LATS1: variants seen among roughly 807,000 people sequenced by gnomAD.
LATS1 encodes the protein large tumor suppressor kinase 1, also known as serine/threonine-protein kinase LATS1.
A neutral mutation model predicts 106.6 loss-of-function variants in LATS1; 25 were observed. The observed-to-expected ratio is 0.23, with a 90% CI of 0.17 to 0.33. The LOEUF is 0.33. Ranked by LOEUF, LATS1 falls within the 10% of genes least tolerant of loss-of-function variation. LATS1 has a pLI of 1.00. For synonymous variants in LATS1, 465 were observed against 455.6 expected (o/e 1.02, Z -0.26); for missense variants, 1,040 against 1,382.6 (o/e 0.75, Z 3.93).
intron 7 of LATS1, among the ~76,000 whole-genome samples, chr6:149,666,041 C>G (rs1781124890): frequency 6.8e-6 from 1 of 147,464 alleles, no homozygotes; most frequent in Admixed American, 7.0e-5. Context: ...ACCTGGGAGG[C>G]TGAGGCAGGA....
intron 3 of LATS1, among the ~76,000 whole-genome samples, chr6:149,685,870 A>T (rs1582881755): frequency 2.0e-5 from 3 of 152,324 alleles, no homozygotes; most frequent in East Asian, 3.9e-4. Context: ...CACTTAGGAA[A>T]AATATACAAG....
Position 149,684,207 on chromosome 6 carries a change from C to G in LATS1, c.882G>C (p.Gly294=). 1 of 1,614,050 alleles carries G rather than the reference C, an allele frequency of 6.2e-7. No homozygotes were observed. Among genetic ancestry groups the G allele is most frequent in the Non-Finnish European group, 8.5e-7 (1 of 1,180,016 alleles). ...GTGGAGGATAGCCCTCTTGCCATGCCCCAGGTGGGACAGGAGAGATTCGGG... is the reference window on the plus strand; with the variant it reads ...GTGGAGGATAGCCCTCTTGCCATGCGCCAGGTGGGACAGGAGAGATTCGGG... ...VISRISPVPP[G]AWQEGYPPPP... is the part of the protein sequence containing the mutation. The change falls in exon 4 of 8, where the codon GGG becomes GGC. Residue 294 remains glycine (G), a synonymous_variant. Transcript: ENST00000543571.
intron 1 of LATS1, among the ~76,000 whole-genome samples, chr6:149,710,228 C>T (rs1317967925): frequency 6.6e-6 from 1 of 152,146 alleles, no homozygotes; most frequent in Non-Finnish European, 1.5e-5. Context: ...TTCTCAGGAG[C>T]TCCTGAGGGC....
intron 2 of LATS1, among the ~76,000 whole-genome samples, chr6:149,697,805 A>G (rs990300989): frequency 6.6e-6 from 1 of 152,066 alleles, no homozygotes; most frequent in African/African-American, 2.4e-5. Flanking sequence ...GCGTGATCTC[A>G]GCTCACGACA....
Position 149,661,901 on chromosome 6 carries a change from G to T in LATS1, c.3221C>A (p.Ala1074Glu). Residue 1074 changes from alanine (A) to glutamate (E), a missense_variant, in exon 8 of 8, where the codon GCA becomes GAA. Physicochemically the swap from Ala to Glu is moderately radical, Grantham distance 107 (BLOSUM62 -1). Transcript: ENST00000543571. ...CCTTCGGAAGGTAAATTCATAGAAT[G>T]CATGTTCAGGATGCTTTCCATTTTT... ...WYKNGKHPEH[A>E]FYEFTFRRFF... The T allele has an allele frequency of 6.2e-7, 1 of 1,613,938 alleles. No individual in the cohort carries two copies. The highest frequency in any genetic ancestry group is 8.5e-7 in the Non-Finnish European group (1 of 1,179,924).
At chr6:149,699,571 G>C (rs1423740485) in intron 2 of LATS1, among the ~76,000 whole-genome samples, 1 of 151,966 alleles carries the variant, frequency 6.6e-6, no homozygotes, top group South Asian at 2.1e-4. Flanking sequence ...AAGCAATCTT[G>C]TGACAATTTG....
At chr6:149,666,272 A>C (rs546423371) in intron 7 of LATS1, among the ~76,000 whole-genome samples, 1 of 152,306 alleles carries the variant, frequency 6.6e-6, no homozygotes, top group African/African-American at 2.4e-5. Context: ...ACATAGAAAA[A>C]GTCAGTATTG....
At position 149,684,301 on chromosome 6, in the gene LATS1, G is replaced by A. The variant is rs778494156; in HGVS notation, c.788C>T (p.Pro263Leu). 7 of 1,613,958 alleles carry A rather than the reference G, an allele frequency of 4.3e-6. 1 individual carries two copies. In the African/African-American group the frequency reaches 8.0e-5, roughly 18 times the overall value. Residue 263 changes from proline (P) to leucine (L), a missense_variant, in exon 4 of 8, where the codon CCA (proline) becomes CTA (leucine). Coordinates refer to ENST00000543571, the MANE Select transcript of LATS1 (RefSeq NM_004690.4). ...GTTTGGTTCCCATGAAGGGGGAGGT[G>A]GAGTTGTACCTCTTGGAGGGGGAGT... ...GQTPPPRGTT[P>L]PPPSWEPNSQ...
chr6:149,709,395 A>G (rs909146998), intron 1 of LATS1, among the ~76,000 whole-genome samples: 3 of 152,232 alleles, frequency 2.0e-5, no homozygotes, highest in Non-Finnish European at 2.9e-5. Flanking sequence ...TTTCTTTGCC[A>G]TATCTTCAAA....
At chr6:149,707,510 G>A (rs992870424) in intron 1 of LATS1, among the ~76,000 whole-genome samples, 1 of 152,064 alleles carries the variant, frequency 6.6e-6, no homozygotes, top group Non-Finnish European at 1.5e-5. Context: ...CATTTCATGA[G>A]ATTTACATTC....
At chr6:149,691,086 A>G (rs1782722242) in intron 3 of LATS1, among the ~76,000 whole-genome samples, 1 of 152,096 alleles carries the variant, frequency 6.6e-6, no homozygotes, top group Non-Finnish European at 1.5e-5. Flanking sequence ...AAGTTACCTC[A>G]TTTGCTGAAC....
At chr6:149,676,841 C>T in intron 5 of LATS1, 104 bp from the exon 6 acceptor site, 1 of 1,007,536 alleles carries the variant, frequency 9.9e-7, no homozygotes. Context: ...AACATTCTCC[C>T]TTGTGACAAA....
chr6:149,699,288 T>A (rs986602774), intron 2 of LATS1, among the ~76,000 whole-genome samples: 32 of 152,158 alleles, frequency 2.1e-4, no homozygotes, highest in African/African-American at 7.2e-4. Context: ...TTGGTATAAA[T>A]AATACCATAC....
At chr6:149,713,455 C>T (rs567849721) in intron 1 of LATS1, among the ~76,000 whole-genome samples, 120 of 148,290 alleles carry the variant, frequency 8.1e-4, no homozygotes, top group African/African-American at 2.8e-3. Flanking sequence ...CCACCACACC[C>T]GGCTAATTTT....
intron 7 of LATS1, among the ~76,000 whole-genome samples, chr6:149,671,964 C>A (rs528069174): frequency 6.6e-6 from 1 of 151,918 alleles, no homozygotes; most frequent in South Asian, 2.1e-4. Flanking sequence ...TACGGGCTCA[C>A]TGCAACCTCC....
intron 3 of LATS1, among the ~76,000 whole-genome samples, chr6:149,692,743 C>T (rs1782836637): frequency 6.6e-6 from 1 of 150,854 alleles, no homozygotes; most frequent in Non-Finnish European, 1.5e-5. Flanking sequence ...GGTGCGATCT[C>T]AGCTTACCGA....
At chr6:149,672,757 C>T (rs1781507672) in intron 7 of LATS1, among the ~76,000 whole-genome samples, 1 of 151,946 alleles carries the variant, frequency 6.6e-6, no homozygotes, top group African/African-American at 2.4e-5. Context: ...ACCAGCCTGA[C>T]CAACATGGTA....
chr6:149,695,068 A>T lies in LATS1; in HGVS notation c.496+6T>A, dbSNP rs752867224. 4 of 1,575,792 alleles carry T rather than the reference A, an allele frequency of 2.5e-6. No homozygotes were observed. The highest frequency in any genetic ancestry group is 3.4e-6 in the Non-Finnish European group (4 of 1,165,964). ...AGATGAGAAAATAAAATATTTGATT[A>T]ATCACCTGGTTTCATGCTGGCATTA... On this transcript the variant is annotated splice_donor_region_variant and intron_variant, in intron 3 of 7. Coordinates refer to ENST00000543571, the MANE Select transcript of LATS1 (RefSeq NM_004690.4).
Position 149,682,036 on chromosome 6 carries a change from C to T in LATS1, c.2010+1043G>A, listed in dbSNP as rs564611459. On this transcript the variant is annotated intron_variant, in intron 4 of 7. Coordinates refer to ENST00000543571, the MANE Select transcript of LATS1 (RefSeq NM_004690.4). ...CTGAGGCAGGAGAACTGCTTGAACCCGGGAGGCGGAGGTTGCAGTGAGCTG... is the reference window on the plus strand; with the variant it reads ...CTGAGGCAGGAGAACTGCTTGAACCTGGGAGGCGGAGGTTGCAGTGAGCTG... 6.6e-5 allele frequency among the ~76,000 whole-genome samples: 10 copies of T among 151,506 alleles called. No individual in the cohort carries two copies. The East Asian group carries it at 9.8e-4, about 15-fold the overall frequency.
Sources: allele counts gnomAD v4.1 joint callset (sites outside exome capture counted in the v4.1 genomes callset), GRCh38; gene constraint gnomAD v4.1.1; transcripts MANE v1.5; gene names NCBI Gene and HGNC (gene_info 2026-07-23, HGNC 2026-07-21).